PRKN: variants seen among roughly 807,000 people sequenced by gnomAD.
The protein encoded by PRKN is parkin RBR E3 ubiquitin protein ligase.
In PRKN, 56 loss-of-function variants were observed where a neutral mutation model predicts 59.5. The observed-to-expected ratio is 0.94, with a 90% CI of 0.76 to 1.18. The LOEUF is 1.18. Ranked by LOEUF, PRKN falls within the 50% of genes most tolerant of loss-of-function variation. The pLI is 0.00. For missense variants in PRKN, 657 were observed against 596.4 expected, an observed-to-expected ratio of 1.10 and a Z score of -1.06; for synonymous variants, 250 against 222.1, an observed-to-expected ratio of 1.13 and a Z score of -1.12.
chr6:162,279,306 C>G (rs908286857), intron 2 of PRKN, among the ~76,000 whole-genome samples: 1 of 150,858 alleles, frequency 6.6e-6, no homozygotes, highest in African/African-American at 2.4e-5. Context: ...CCATTGCACT[C>G]CATCCAGCCT....
chr6:162,624,316 T>C (rs966962814), intron 1 of PRKN: 2 of 152,010 alleles, frequency 1.3e-5, no homozygotes, highest in Admixed American at 6.6e-5. Context: ...GAACAATCTG[T>C]GTCTCATATT....
chr6:162,009,501 A>C (rs568653659), intron 5 of PRKN, among the ~76,000 whole-genome samples: 2 of 152,024 alleles, frequency 1.3e-5, no homozygotes, highest in Admixed American at 1.3e-4. Flanking sequence ...TTATGGCAAA[A>C]AAGGAGGTAA....
At chr6:162,720,116 C>T (rs960963924) in intron 1 of PRKN, among the ~76,000 whole-genome samples, 2 of 152,156 alleles carry the variant, frequency 1.3e-5, no homozygotes, top group African/African-American at 4.8e-5. Context: ...TATTTATGCA[C>T]TGAAACTCCA....
intron 2 of PRKN, among the ~76,000 whole-genome samples, chr6:162,327,876 T>C (rs530089821): frequency 3.3e-5 from 5 of 152,246 alleles, no homozygotes; most frequent in East Asian, 1.9e-4. Context: ...AGAAGCATAA[T>C]GGAGCTCTGT....
intron 7 of PRKN, among the ~76,000 whole-genome samples, chr6:161,698,515 TG>T (rs777388577): frequency 1.3e-4 from 19 of 151,736 alleles, no homozygotes; most frequent in Non-Finnish European, 1.9e-4. Context: ...ATATGTAAAC[TG>T]TTTTTTTAAA....
At position 162,252,776 on chromosome 6, in the gene PRKN, C is replaced by T. The variant is rs6920816; in HGVS notation, c.412+9749G>A. 1.8e-3 allele frequency among the ~76,000 whole-genome samples: 274 copies of T among 152,364 alleles called. 1 individual carries two copies. The highest frequency in any genetic ancestry group is 6.2e-3 in the African/African-American group (257 of 41,596). Reference sequence around the variant, plus strand: ...ATCTGTTGCTTATAAGCCACTGACTCATTTTGTATTTTGTCATAGCAGCCC... The same window carrying T: ...ATCTGTTGCTTATAAGCCACTGACTTATTTTGTATTTTGTCATAGCAGCCC... On this transcript the variant is annotated intron_variant, in intron 3 of 11. Coordinates refer to ENST00000366898, the MANE Select transcript of PRKN (RefSeq NM_004562.3).
intron 2 of PRKN, among the ~76,000 whole-genome samples, chr6:162,326,492 C>T (rs1413421648): frequency 6.6e-6 from 1 of 151,910 alleles, no homozygotes; most frequent in East Asian, 1.9e-4. Flanking sequence ...AAACTACCTC[C>T]TAGAGAGCTT....
intron 6 of PRKN, among the ~76,000 whole-genome samples, chr6:161,794,012 C>T (rs1165711073): frequency 1.3e-5 from 2 of 152,106 alleles, no homozygotes; most frequent in Non-Finnish European, 2.9e-5. Context: ...TATCTGCCCT[C>T]GGCACTCTGT....
At chr6:162,174,311 G>A (rs930925157) in intron 4 of PRKN, among the ~76,000 whole-genome samples, 2 of 152,152 alleles carry the variant, frequency 1.3e-5, no homozygotes, top group Middle Eastern at 3.4e-3. Flanking sequence ...CCATCAGCAC[G>A]CAGGAAATAA....
intron 6 of PRKN, among the ~76,000 whole-genome samples, chr6:161,797,746 T>G (rs1261242314): frequency 6.6e-6 from 1 of 152,206 alleles, no homozygotes; most frequent in East Asian, 1.9e-4. Context: ...AGTTCAGCAT[T>G]AAAATATTGA....
intron 1 of PRKN, among the ~76,000 whole-genome samples, chr6:162,538,417 A>G (rs1778801650): frequency 6.6e-6 from 1 of 152,102 alleles, no homozygotes. Context: ...AATAAAATTA[A>G]AAAAAAGAAA....
Position 161,414,164 on chromosome 6 carries a change from G to T in PRKN, c.1084-27287C>A, listed in dbSNP as rs1787727312. ...CTGGAGCACAAACTCTCAACAAGGT[G>T]GAAACTCGACACTATGCTCTCAATC... is the stretch of plus-strand genomic sequence containing the variant. On this transcript the variant is annotated intron_variant, in intron 9 of 11. Coordinates refer to ENST00000366898, the MANE Select transcript of PRKN (RefSeq NM_004562.3). This position sits in a 1 kb window ranked among gnomAD's most constrained non-coding sequence, Gnocchi z 5.3. Among the ~76,000 whole-genome samples, 2 of 152,120 alleles carry T rather than the reference G, an allele frequency of 1.3e-5. No individual in the cohort carries two copies. The highest frequency in any genetic ancestry group is 4.8e-5 in the African/African-American group (2 of 41,416).
At chr6:161,424,987 A>T (rs1332809586) in intron 9 of PRKN, among the ~76,000 whole-genome samples, 1 of 152,190 alleles carries the variant, frequency 6.6e-6, no homozygotes, top group African/African-American at 2.4e-5. Flanking sequence ...GAAACACTTA[A>T]GAAAGTACTC....
intron 9 of PRKN, among the ~76,000 whole-genome samples, chr6:161,422,039 TA>T (rs1788128872): frequency 6.6e-6 from 1 of 152,100 alleles, no homozygotes; most frequent in Non-Finnish European, 1.5e-5. Context: ...CATAATCTAG[TA>T]AAGGAAAATA....
chr6:161,959,745 GATT>G lies in PRKN; in HGVS notation c.734+13554_734+13556del, dbSNP rs1305837817. ...TATGACATATATTTCCCGAGAACAG[GATT>G]ATTAATAATCATAAGTGATTTAGAT... On this transcript the variant is annotated intron_variant, in intron 6 of 11. Coordinates refer to ENST00000366898, the MANE Select transcript of PRKN (RefSeq NM_004562.3). Among the ~76,000 whole-genome samples the G allele has an allele frequency of 2.0e-5, 3 of 152,094 alleles. No individual in the cohort carries two copies. In the East Asian group the frequency reaches 5.8e-4, roughly 29 times the overall value.
intron 1 of PRKN, among the ~76,000 whole-genome samples, chr6:162,656,335 C>A (rs1362988377): frequency 2.0e-5 from 3 of 152,182 alleles, no homozygotes; most frequent in Admixed American, 6.5e-5. Flanking sequence ...ATCTGTGGCC[C>A]TACGCAGCCA....
chr6:161,728,769 A>G (rs1787555575), intron 7 of PRKN, among the ~76,000 whole-genome samples: 1 of 152,126 alleles, frequency 6.6e-6, no homozygotes, highest in African/African-American at 2.4e-5. Context: ...GCACAAGGCA[A>G]AACCACCGTA....
rs932650436 is a variant in PRKN at position 162,311,195 on chromosome 6, T to G, written c.172-48430A>C. ...TTGAAAGATTGCTGATTTATAACTT[T>G]GAGATTTAAAACACTTGCTATAAGA... On this transcript the variant is annotated intron_variant, in intron 2 of 11. Transcript: ENST00000366898. Among the ~76,000 whole-genome samples, 24 of 152,278 alleles carry G rather than the reference T, an allele frequency of 1.6e-4. 1 individual carries two copies. Among genetic ancestry groups the G allele is most frequent in the African/African-American group, 5.8e-4 (24 of 41,566 alleles).
intron 7 of PRKN, among the ~76,000 whole-genome samples, chr6:161,608,131 C>A (rs1782351725): frequency 6.6e-6 from 1 of 152,056 alleles, no homozygotes; most frequent in African/African-American, 2.4e-5. Context: ...TCCTGACAGC[C>A]TCAGGAGGAG....
Sources: allele counts gnomAD v4.1 joint callset (sites outside exome capture counted in the v4.1 genomes callset), GRCh38; gene constraint gnomAD v4.1.1; non-coding constraint Gnocchi (gnomAD v3.1); transcripts MANE v1.5; gene names NCBI Gene and HGNC (gene_info 2026-07-23, HGNC 2026-07-21).